Variants in SACS observed in about 807,000 individuals in gnomAD.
SACS encodes the protein sacsin molecular chaperone.
SACS carries 197 observed loss-of-function variants against 348.0 expected under a neutral mutation model. The observed-to-expected ratio is 0.57, with a 90% CI of 0.50 to 0.64. The LOEUF (loss-of-function observed/expected upper bound fraction) is 0.64. Among genes scored for constraint, SACS ranks in the 30% least tolerant of loss-of-function variants. The pLI is 0.00. For missense variants in SACS, 4,999 were observed against 5,360.8 expected (o/e 0.93, Z 2.11); for synonymous variants, 1,985 against 1,910.6 (o/e 1.04, Z -1.02).
At chr13:23,346,718 C>G in intron 9 of SACS, 1 of 469,558 alleles carries the variant, frequency 2.1e-6, no homozygotes, top group Non-Finnish European at 2.8e-6. Flanking sequence ...GACATAATTT[C>G]TAGCTACTTA....
At chr13:23,363,407 T>C (rs1321519900) in intron 6 of SACS, among the ~76,000 whole-genome samples, 2 of 150,518 alleles carry the variant, frequency 1.3e-5, no homozygotes, top group Non-Finnish European at 3.0e-5. Context: ...TTTGTATTTT[T>C]AGTAGAGACA....
At chr13:23,398,547 A>G (rs561849738) in intron 2 of SACS, among the ~76,000 whole-genome samples, 1 of 151,916 alleles carries the variant, frequency 6.6e-6, no homozygotes, top group African/African-American at 2.4e-5. Flanking sequence ...AAAAAAAAAA[A>G]AAAAGAAATA....
chr13:23,338,705 A>G lies in SACS; in HGVS notation c.5171T>C (p.Leu1724Ser). 2 of 1,611,600 alleles carry G rather than the reference A, an allele frequency of 1.2e-6. No individual in the cohort carries two copies. Among genetic ancestry groups the G allele is most frequent in the East Asian group, 2.2e-5 (1 of 44,860 alleles). ...IKKKSCSSKA[L>S]NTPVLSVLKE... ...TAAAACACTTAAGACAGGTGTGTTC[A>G]ATGCTTTGGAAGAGCAGGATTTTTT... The change falls in exon 10 of 10, where the codon TTG becomes TCG. Residue 1724 changes from leucine (L) to serine (S), a missense_variant. By Grantham distance (145) the Leu-to-Ser change is moderately radical (BLOSUM62 -2). This residue lies in a region of SACS where 3,156 missense variants were observed against 3,380.1 expected (regional missense o/e 0.93). Transcript: ENST00000382292.
chr13:23,330,204 T>C lies in SACS; in HGVS notation c.13672A>G (p.Met4558Val), dbSNP rs1434209787. 1 of 1,614,106 alleles carries C rather than the reference T, an allele frequency of 6.2e-7. No homozygotes were observed. Among genetic ancestry groups the C allele is most frequent in the South Asian group, 1.1e-5 (1 of 91,084 alleles). ...CAGGCAGTACATTCCATCACCCTCA[T>C]AGCAACCTCAGAAGTGAACCTGTCA... ...PNDRFTSEVA[M>V]RVMECTACII... is the part of the protein sequence containing the mutation. Residue 4558 changes from methionine to valine, a missense_variant, in exon 10 of 10, where the codon ATG (methionine) becomes GTG (valine). Met to Val is a conservative substitution (Grantham distance 21). Coordinates refer to ENST00000382292, the MANE Select transcript of SACS (RefSeq NM_014363.6).
At chr13:23,398,394 C>T (rs1872798381) in intron 2 of SACS, among the ~76,000 whole-genome samples, 1 of 150,048 alleles carries the variant, frequency 6.7e-6, no homozygotes, top group African/African-American at 2.5e-5. Context: ...ATTAGCGAGG[C>T]GTGGTGGTGC....
rs201690040 is a variant in SACS, at chr13:23,337,467, G to C, written c.6409C>G (p.Gln2137Glu). ...KDGRFPYGST[Q>E]DYLNPIILIK... Reference sequence around the variant, plus strand: ...AAAATAATAGGATTGAGATAATCCTGAGTAGAACCATAAGGGAATCTCCCA... The same window carrying C: ...AAAATAATAGGATTGAGATAATCCTCAGTAGAACCATAAGGGAATCTCCCA... The change falls in exon 10 of 10, where the codon CAG becomes GAG. Residue 2137 changes from glutamine (Q) to glutamate (E), a missense_variant. By Grantham distance (29) the Gln-to-Glu change is conservative. Around this residue, in one of 6 missense-constraint regions of SACS, gnomAD observed 3,156 missense variants for 3,380.1 expected, o/e 0.93. Transcript: ENST00000382292. 53 of 1,613,478 alleles carry C rather than the reference G, an allele frequency of 3.3e-5. No individual in the cohort carries two copies. The highest frequency in any genetic ancestry group is 4.2e-5 in the Non-Finnish European group (49 of 1,179,778).
At chr13:23,406,735 C>T (rs190212366) in intron 2 of SACS, among the ~76,000 whole-genome samples, 2 of 152,000 alleles carry the variant, frequency 1.3e-5, no homozygotes, top group Non-Finnish European at 2.9e-5. Context: ...GGCAAAAAAA[C>T]CCCTCACGTC....
intron 2 of SACS, among the ~76,000 whole-genome samples, chr13:23,408,898 C>T (rs573027319): frequency 5.1e-4 from 77 of 149,982 alleles, no homozygotes; most frequent in African/African-American, 1.8e-3. Context: ...GGAGGCGCAG[C>T]TTGCAGTGAG....
chr13:23,426,325 C>T (rs767922581), intron 1 of SACS, among the ~76,000 whole-genome samples: 18 of 152,150 alleles, frequency 1.2e-4, no homozygotes, highest in Non-Finnish European at 2.2e-4. Flanking sequence ...TTCAGGGAGA[C>T]ATGAGACATC....
Position 23,329,280 on chromosome 13 carries a change from G to A in SACS, c.*856C>T. 1 of 563,934 alleles carries A rather than the reference G, an allele frequency of 1.8e-6. No individual in the cohort carries two copies. Among genetic ancestry groups the A allele is most frequent in the Admixed American group, 3.8e-5 (1 of 26,000 alleles). The allele number at this position is 563,934 out of a possible 1,614,324, so 34.9% of individuals were successfully genotyped here. On this transcript the variant is annotated 3_prime_UTR_variant, in exon 10 of 10. Transcript: ENST00000382292. ...TTTTTTTTTAACTGCAGCACCTTTA[G>A]ACAACAAAAGATTGCATCCTGTTCA...
In SACS at chr13:23,332,741, G is replaced by A. The variant is rs145725116; in HGVS notation, c.11135C>T (p.Thr3712Ile). 2 of 1,613,998 alleles carry A rather than the reference G, an allele frequency of 1.2e-6. No homozygotes were observed. Among genetic ancestry groups the A allele is most frequent in the Middle Eastern group, 1.6e-4 (1 of 6,062 alleles). The change falls in exon 10 of 10, where the codon ACA becomes ATA. Residue 3712 changes from threonine to isoleucine, a missense_variant. Around this residue, in one of 6 missense-constraint regions of SACS, gnomAD observed 831 missense variants for 941.8 expected, o/e 0.88. Coordinates refer to ENST00000382292, the MANE Select transcript of SACS (RefSeq NM_014363.6). The part of the protein sequence containing the change: ...TSCPILPEKA[T>I]PLSIKEQEGS... ...TTCTTGTTCTTTAATGCTTAAGGGT[G>A]TAGCTTTCTCTGGAAGAATAGGGCA...
At chr13:23,407,267 C>T (rs972519929) in intron 2 of SACS, among the ~76,000 whole-genome samples, 38 of 152,294 alleles carry the variant, frequency 2.5e-4, no homozygotes, top group African/African-American at 8.7e-4. Context: ...GGCGCAATCT[C>T]GGCTCACTGC....
chr13:23,340,615 TAAG>T lies in SACS; in HGVS notation c.3258_3260del (p.Leu1087del). 6.2e-7 allele frequency: 1 copy of T among 1,611,670 alleles called. No homozygotes were observed. Among genetic ancestry groups the T allele is most frequent in the Non-Finnish European group, 8.5e-7 (1 of 1,179,494 alleles). The stretch of plus-strand genomic sequence containing the variant: ...CTTCGTTTTTTAAACCAATCTGTCT[TAAG>T]GAGTGAAGAATATCTGGTGAGGTAA... On this transcript the variant is annotated inframe_deletion, in exon 10 of 10. Coordinates refer to ENST00000382292, the MANE Select transcript of SACS (RefSeq NM_014363.6).
At position 23,368,084 on chromosome 13, in the gene SACS, T is replaced by C. The variant is rs1051999986; in HGVS notation, c.345+318A>G. 4.0e-5 allele frequency among the ~76,000 whole-genome samples: 6 copies of C among 151,828 alleles called. No individual in the cohort carries two copies. In the South Asian group the frequency reaches 1.0e-3, roughly 26 times the overall value. ...GCCGGTTGGCTGGCTGGCTGGTTGG[T>C]TGGTTGGTTGGTTGGTTGGTTGACG... is the stretch of plus-strand genomic sequence containing the variant. On this transcript the variant is annotated intron_variant, in intron 5 of 9. Coordinates refer to ENST00000382292, the MANE Select transcript of SACS (RefSeq NM_014363.6).
At chr13:23,356,758 T>C (rs981524931) in intron 7 of SACS, among the ~76,000 whole-genome samples, 7 of 152,026 alleles carry the variant, frequency 4.6e-5, no homozygotes, top group Admixed American at 3.9e-4. Context: ...ATGTGATGTA[T>C]GCTTGCCTCA....
In SACS at chr13:23,333,843, C is replaced by A; in HGVS notation, c.10033G>T (p.Val3345Phe). ...NKICSKDSAF[V>F]PLLSCHTANI... is the part of the protein sequence containing the mutation. ...GCTGTGTGACATGACAACAAAGGAA[C>A]AAATGCACTGTCTTTGGAACAGATT... is the stretch of plus-strand genomic sequence containing the variant. The change falls in exon 10 of 10, where the codon GTT (valine) becomes TTT (phenylalanine). Residue 3345 changes from valine to phenylalanine, a missense_variant. Transcript: ENST00000382292. The A allele has an allele frequency of 6.2e-7, 1 of 1,613,818 alleles. No individual in the cohort carries two copies. Among genetic ancestry groups the A allele is most frequent in the Non-Finnish European group, 8.5e-7 (1 of 1,179,826 alleles).
chr13:23,392,487 A>C (rs1872563647), intron 2 of SACS, among the ~76,000 whole-genome samples: 1 of 152,194 alleles, frequency 6.6e-6, no homozygotes, highest in Admixed American at 6.5e-5. Flanking sequence ...GCCTCCAATG[A>C]CTAGGCTTTG....
In SACS at chr13:23,330,604, G is replaced by A. The variant is rs567495567; in HGVS notation, c.13272C>T (p.Ala4424=). Residue 4424 remains alanine, a synonymous_variant, in exon 10 of 10, where the codon GCC becomes GCT. Transcript: ENST00000382292. ...AGAACCTTTGAGAGTAAGTCTGTCC[G>A]GCTGAAGGGGGGCATTTTTCTTTGT... ...QQNKEKCPPS[A]GQTYSQRFFV... 4.5e-5 allele frequency: 73 copies of A among 1,613,832 alleles called. No homozygotes were observed. The East Asian group carries it at 1.1e-3, about 24-fold the overall frequency.
chr13:23,353,194 C>T (rs558933750), intron 9 of SACS, among the ~76,000 whole-genome samples: 25 of 152,212 alleles, frequency 1.6e-4, no homozygotes, highest in Admixed American at 5.9e-4. Flanking sequence ...ATCAGACACC[C>T]ATCACTTTAA....
Sources: allele counts gnomAD v4.1 joint callset (sites outside exome capture counted in the v4.1 genomes callset), GRCh38; gene constraint gnomAD v4.1.1; regional missense constraint gnomAD v4.1.1; transcripts MANE v1.5; gene names NCBI Gene and HGNC (gene_info 2026-07-23, HGNC 2026-07-21).